Variants in CDH23 observed in about 807,000 individuals in gnomAD.
CDH23 encodes cadherin-23.
Under a neutral mutation model 317.1 loss-of-function variants are expected in CDH23, and 189 were observed. The ratio of observed to expected loss-of-function variants is 0.60; its 90% CI spans 0.53 to 0.67. CDH23 has a LOEUF of 0.67. Among genes scored for constraint, CDH23 ranks in the 30% least tolerant of loss-of-function variants. CDH23 has a pLI of 0.00. For missense variants in CDH23, 4,401 were observed against 4,592.4 expected, an observed-to-expected ratio of 0.96 and a Z score of 1.20; for synonymous variants, 1,839 against 1,876.8, an observed-to-expected ratio of 0.98 and a Z score of 0.52.
chr10:71,746,906 A>G (rs1015318308), intron 38 of CDH23, among the ~76,000 whole-genome samples: 2 of 152,144 alleles, frequency 1.3e-5, no homozygotes, highest in African/African-American at 2.4e-5. Flanking sequence ...TGAGCTGGGG[A>G]CACTGCTCTT....
chr10:71,796,171 T>C, intron 48 of CDH23: 1 of 824,174 alleles, frequency 1.2e-6, no homozygotes, highest in Non-Finnish European at 1.5e-6. Context: ...GATACCCCTG[T>C]ACCTGAGAGG....
intron 48 of CDH23, among the ~76,000 whole-genome samples, chr10:71,794,887 G>A (rs958852647): frequency 3.9e-5 from 6 of 152,136 alleles, no homozygotes; most frequent in African/African-American, 1.4e-4. Flanking sequence ...GTGGAGTTGG[G>A]GCCATGCAGG....
At chr10:71,599,563 A>G (rs1242404478) in intron 9 of CDH23, among the ~76,000 whole-genome samples, 3 of 152,196 alleles carry the variant, frequency 2.0e-5, no homozygotes, top group African/African-American at 7.2e-5. Context: ...AAGATTGGCA[A>G]AATTTTGATG....
At chr10:71,670,521 G>A (rs1864101516) in intron 14 of CDH23, among the ~76,000 whole-genome samples, 2 of 152,206 alleles carry the variant, frequency 1.3e-5, no homozygotes, top group South Asian at 4.1e-4. Context: ...TGAATGGTTA[G>A]GGACTCTAGG....
intron 11 of CDH23, among the ~76,000 whole-genome samples, chr10:71,637,012 AC>A (rs1405317251): frequency 1.3e-5 from 2 of 151,212 alleles, no homozygotes; most frequent in South Asian, 2.1e-4. Flanking sequence ...GAGACTTAGC[AC>A]CCCCCTTAAT....
chr10:71,796,628 T>C (rs1841411342), intron 48 of CDH23, among the ~76,000 whole-genome samples: 3 of 152,246 alleles, frequency 2.0e-5, no homozygotes, highest in Admixed American at 6.5e-5. Context: ...TTTACCATTT[T>C]AGCCACTTTT....
At chr10:71,488,543 G>C (rs1001510341) in intron 3 of CDH23, among the ~76,000 whole-genome samples, 1 of 152,128 alleles carries the variant, frequency 6.6e-6, no homozygotes, top group African/African-American at 2.4e-5. Flanking sequence ...GCTGCATTCT[G>C]TTCCCAGCCT....
intron 12 of CDH23, among the ~76,000 whole-genome samples, chr10:71,644,766 T>C (rs1383579101): frequency 1.3e-5 from 2 of 152,244 alleles, no homozygotes; most frequent in Non-Finnish European, 2.9e-5. Context: ...GGGTGGGCTC[T>C]GCACCATAAG....
chr10:71,469,962 A>C (rs544336912), intron 3 of CDH23, among the ~76,000 whole-genome samples: 1 of 152,026 alleles, frequency 6.6e-6, no homozygotes, highest in African/African-American at 2.4e-5. Flanking sequence ...ATTTTTAGGA[A>C]TGAGATTGCT....
intron 6 of CDH23, among the ~76,000 whole-genome samples, chr10:71,563,045 G>A (rs1294676317): frequency 6.6e-6 from 1 of 152,210 alleles, no homozygotes; most frequent in Admixed American, 6.5e-5. Context: ...CTGTGGTCAT[G>A]AGGAGCAGCT....
At chr10:71,687,866 G>A (rs1864972852) in intron 19 of CDH23, 147 bp downstream of exon 19, 4 of 759,346 alleles carry the variant, frequency 5.3e-6, no homozygotes, top group African/African-American at 1.7e-5. Flanking sequence ...TTGACAAATC[G>A]GGGAGCCTTT....
chr10:71,623,646 T>TGC (rs1861573578), intron 11 of CDH23, among the ~76,000 whole-genome samples: 1 of 152,174 alleles, frequency 6.6e-6, no homozygotes, highest in African/African-American at 2.4e-5. Flanking sequence ...CCCGTGACCA[T>TGC]GCATTCCAGT....
chr10:71,744,872 C>A (rs1211851496), intron 38 of CDH23, among the ~76,000 whole-genome samples: 1 of 152,186 alleles, frequency 6.6e-6, no homozygotes, highest in African/African-American at 2.4e-5. Context: ...GCAACAGGTA[C>A]CAACTTGAAA....
At chr10:71,479,445 G>A (rs887682598) in intron 3 of CDH23, among the ~76,000 whole-genome samples, 2 of 152,154 alleles carry the variant, frequency 1.3e-5, no homozygotes, top group Non-Finnish European at 2.9e-5. Context: ...AAGGGACTGC[G>A]GCCAAGGTGA....
chr10:71,812,140 CGGG>C, intron 66 of CDH23, 125 bp downstream of exon 66: 7 of 1,596,478 alleles, frequency 4.4e-6, no homozygotes, highest in Non-Finnish European at 6.0e-6. Flanking sequence ...CCCTGGTGGG[CGGG>C]CCACCCTCCC....
intron 38 of CDH23, among the ~76,000 whole-genome samples, chr10:71,759,846 C>CACACACAT (rs776230069): frequency 0.3 from 18,080 of 60,938 alleles, 3,444 homozygotes; most frequent in Middle Eastern, 0.42. Flanking sequence ...CACACACACA[C>CACACACAT]ATATACACAC....
At chr10:71,606,115 C>T (rs1860512870) in intron 9 of CDH23, among the ~76,000 whole-genome samples, 1 of 152,166 alleles carries the variant, frequency 6.6e-6, no homozygotes, top group Non-Finnish European at 1.5e-5. Flanking sequence ...CAAGTTAATG[C>T]TTCATAAACT....
intron 2 of CDH23, among the ~76,000 whole-genome samples, chr10:71,440,249 G>A (rs754326282): frequency 1.1e-4 from 17 of 152,288 alleles, no homozygotes; most frequent in Non-Finnish European, 2.2e-4. Flanking sequence ...TGTGTTCTGA[G>A]CACCTACTGT....
rs1473028766 is a variant in CDH23 at position 71,809,915 on chromosome 10, C to T, written c.8818C>T (p.His2940Tyr). The change falls in exon 61 of 70, where the codon CAC becomes TAC. Residue 2940 changes from histidine (H) to tyrosine (Y), a missense_variant. This residue lies in a region of CDH23 where 1,144 missense variants were observed against 1,138.2 expected (regional missense o/e 1.01). Transcript: ENST00000224721. ...VDIVARDLAG[H>Y]NDTAIIGIYI... is the part of the protein sequence containing the mutation. ...CATTGTGGCCCGAGACCTGGCAGGC[C>T]ACAACGACACGGCCATCATCGGCAT... The T allele has an allele frequency of 5.6e-6, 9 of 1,612,994 alleles. No individual in the cohort carries two copies. The highest frequency in any genetic ancestry group is 5.9e-6 in the Non-Finnish European group (7 of 1,179,896).
Sources: allele counts gnomAD v4.1 joint callset (sites outside exome capture counted in the v4.1 genomes callset), GRCh38; gene constraint gnomAD v4.1.1; regional missense constraint gnomAD v4.1.1; transcripts MANE v1.5; gene names NCBI Gene and HGNC (gene_info 2026-07-23, HGNC 2026-07-21).